Variants in TMEM116 observed in about 807,000 individuals in gnomAD.
TMEM116 encodes transmembrane protein 116.
Under a neutral mutation model 44.3 loss-of-function variants are expected in TMEM116, and 38 were observed. The ratio of observed to expected loss-of-function variants is 0.86; its 90% confidence interval spans 0.66 to 1.12. The LOEUF is 1.12. Among genes scored for constraint, TMEM116 ranks in the 50% most tolerant of loss-of-function variants. TMEM116 has a pLI of 0.00. For missense variants in TMEM116, 354 were observed against 401.7 expected (o/e 0.88, Z 1.01); for synonymous variants, 132 against 144.8 (o/e 0.91, Z 0.64).
chr12:112,011,193 A>C (rs1266741165), intron 1 of TMEM116: 2 of 152,348 alleles, frequency 1.3e-5, no homozygotes, highest in African/African-American at 4.8e-5. Context: ...CAATGGCACC[A>C]GGGGCTCCTG....
intron 4 of TMEM116, among the ~76,000 whole-genome samples, chr12:111,972,830 C>T (rs771174947): frequency 6.6e-6 from 1 of 150,584 alleles, no homozygotes; most frequent in Non-Finnish European, 1.5e-5. Context: ...GAGCTGAGAT[C>T]GCTCCATTGC....
chr12:111,934,199 C>T lies in TMEM116; in HGVS notation c.589-169G>A. 6.5e-6 allele frequency: 5 copies of T among 771,046 alleles called. No individual in the cohort carries two copies. In the South Asian group the frequency reaches 1.0e-4, roughly 16 times the overall value. The allele number at this position is 771,046 out of a possible 1,614,324, so 47.8% of individuals were successfully genotyped here. Reference sequence around the variant, plus strand: ...CAGGCTTTTTTTTAAGAGAAAATTACCTTCAGAGTGAACTTTTACTAGGCT... The same window carrying T: ...CAGGCTTTTTTTTAAGAGAAAATTATCTTCAGAGTGAACTTTTACTAGGCT... On this transcript the variant is annotated intron_variant, in intron 8 of 10. Transcript: ENST00000552374.
At chr12:112,006,855 A>G (rs1200807764) in intron 1 of TMEM116, among the ~76,000 whole-genome samples, 1 of 152,246 alleles carries the variant, frequency 6.6e-6, no homozygotes, top group African/African-American at 2.4e-5. Flanking sequence ...ATCCTTATTG[A>G]TAACAAATTA....
chr12:111,999,587 A>T (rs1416660122), intron 3 of TMEM116, among the ~76,000 whole-genome samples: 3 of 151,946 alleles, frequency 2.0e-5, no homozygotes, highest in Non-Finnish European at 2.9e-5. Flanking sequence ...CTACAGAGCG[A>T]GACTCCATCT....
intron 3 of TMEM116, chr12:111,994,008 C>A (rs1027503629): frequency 1.1e-5 from 6 of 571,230 alleles, no homozygotes; most frequent in Non-Finnish European, 2.0e-5. Flanking sequence ...GCCTCCCTTG[C>A]CCTCCCCCAA....
At chr12:111,980,701 G>C (rs951337499) in intron 4 of TMEM116, among the ~76,000 whole-genome samples, 2 of 152,126 alleles carry the variant, frequency 1.3e-5, no homozygotes, top group Admixed American at 6.5e-5. Flanking sequence ...TGTAGTATTT[G>C]CCCGATTTTT....
chr12:111,960,491 CAAAAAAAAAAAAAAAA>C (rs545322547), intron 4 of TMEM116, among the ~76,000 whole-genome samples: 2 of 28,574 alleles, frequency 7.0e-5, no homozygotes, highest in African/African-American at 1.2e-4. Flanking sequence ...GACTCCGTCT[CAAAAAAAAAAAAAAAA>C]AAAAAAAAAA....
Position 111,936,759 on chromosome 12 carries a change from CT to C in TMEM116, c.520del (p.Ser174AlafsTer37). On this transcript the variant is annotated frameshift_variant, in exon 8 of 11. Transcript: ENST00000552374. LOFTEE classifies it high-confidence loss of function. ...LPPSANTSVCSTLYFYGIAIF... is the reference protein window; with the variant it reads ...LPPSANTSVCXTLYFYGIAIF... ...GGCGATACCATAAAAATAAAGTGTG[CT>C]ACAGACAGATGTGTTGGCAGAAGGT... The C allele has an allele frequency of 6.2e-7, 1 of 1,613,940 alleles. No individual in the cohort carries two copies. The highest frequency in any genetic ancestry group is 8.5e-7 in the Non-Finnish European group (1 of 1,179,948).
intron 2 of TMEM116, among the ~76,000 whole-genome samples, chr12:112,004,757 G>A (rs1281507721): frequency 6.6e-6 from 1 of 151,942 alleles, no homozygotes; most frequent in African/African-American, 2.4e-5. Flanking sequence ...TGGAACTACA[G>A]ACACATACCA....
At chr12:111,982,635 T>A (rs367727522) in intron 4 of TMEM116, among the ~76,000 whole-genome samples, 2 of 151,392 alleles carry the variant, frequency 1.3e-5, no homozygotes, top group East Asian at 3.9e-4. Context: ...ATATAGAAAA[T>A]CAATCAATCA....
chr12:111,939,706 C>A (rs896263711), intron 5 of TMEM116, among the ~76,000 whole-genome samples: 1 of 149,750 alleles, frequency 6.7e-6, no homozygotes, highest in Non-Finnish European at 1.5e-5. Context: ...CACACATCTG[C>A]GGTCCCAGCA....
chr12:112,004,452 T>C (rs925491954), intron 2 of TMEM116, among the ~76,000 whole-genome samples: 1 of 150,698 alleles, frequency 6.6e-6, no homozygotes, highest in Non-Finnish European at 1.5e-5. Flanking sequence ...GCCCAGCTAA[T>C]GTTTTAAAAT....
intron 4 of TMEM116, among the ~76,000 whole-genome samples, chr12:111,982,890 T>C (rs1034448537): frequency 6.6e-6 from 1 of 152,168 alleles, no homozygotes; most frequent in Non-Finnish European, 1.5e-5. Flanking sequence ...TTTGTTTTTG[T>C]ATGAGGAATC....
intron 5 of TMEM116, among the ~76,000 whole-genome samples, chr12:111,942,981 A>G (rs943088337): frequency 1.3e-5 from 2 of 151,318 alleles, no homozygotes; most frequent in African/African-American, 4.9e-5. Context: ...TTTTTGAGAC[A>G]GGGTCTGTCT....
chr12:111,940,474 T>TACAC (rs199977734), intron 5 of TMEM116, among the ~76,000 whole-genome samples: 5 of 106,982 alleles, frequency 4.7e-5, no homozygotes, highest in Admixed American at 2.0e-4. Context: ...CATATATATA[T>TACAC]ATACATACAC....
At chr12:111,987,143 T>C (rs1404955290) in intron 4 of TMEM116, among the ~76,000 whole-genome samples, 1 of 152,158 alleles carries the variant, frequency 6.6e-6, no homozygotes, top group Non-Finnish European at 1.5e-5. Context: ...ACATTGTATG[T>C]CTGACAGGCG....
intron 4 of TMEM116, among the ~76,000 whole-genome samples, chr12:111,981,727 T>A (rs1246379587): frequency 6.6e-6 from 1 of 152,132 alleles, no homozygotes; most frequent in Non-Finnish European, 1.5e-5. Flanking sequence ...AAATAAGAAC[T>A]CTGAAAGAAA....
At chr12:111,934,136 AG>A in intron 8 of TMEM116, 106 bp from the exon 9 acceptor site, 1 of 1,270,118 alleles carries the variant, frequency 7.9e-7, no homozygotes, top group Non-Finnish European at 1.1e-6. Flanking sequence ...ATCTCACAAC[AG>A]GAACGACCCC....
chr12:112,007,621 C>G (rs1458463003), intron 1 of TMEM116, among the ~76,000 whole-genome samples: 3 of 152,120 alleles, frequency 2.0e-5, no homozygotes, highest in Non-Finnish European at 2.9e-5. Context: ...TATTTTAAGG[C>G]CTCTACTCAT....
Sources: allele counts gnomAD v4.1 joint callset (sites outside exome capture counted in the v4.1 genomes callset), GRCh38; gene constraint gnomAD v4.1.1; transcripts MANE v1.5; gene names NCBI Gene and HGNC (gene_info 2026-07-23, HGNC 2026-07-21).